Variants in ASAP2 observed in about 807,000 individuals in gnomAD.
ASAP2 encodes arf-GAP with SH3 domain, ANK repeat and PH domain-containing protein 2.
In ASAP2, 45 loss-of-function variants were observed where a neutral mutation model predicts 131.4. That is an observed-to-expected ratio of 0.34 (90% CI 0.27 to 0.44). The LOEUF (loss-of-function observed/expected upper bound fraction) is 0.44, where lower values mean the gene tolerates loss of function less well. Among genes scored for constraint, ASAP2 ranks in the 20% least tolerant of loss-of-function variants. The pLI is 1.00. For synonymous variants in ASAP2, 510 were observed against 503.0 expected (o/e 1.01, Z -0.19); for missense variants, 1,011 against 1,297.0 (o/e 0.78, Z 3.39).
chr2:9,387,082 G>C lies in ASAP2; in HGVS notation c.2131-1212G>C, dbSNP rs1233664411. 3.1e-4 allele frequency among the ~76,000 whole-genome samples: 46 copies of C among 150,602 alleles called. 1 individual carries two copies. In the South Asian group the frequency reaches 6.8e-3, roughly 22 times the overall value. On this transcript the variant is annotated intron_variant, in intron 21 of 27. Coordinates refer to ENST00000281419, the MANE Select transcript of ASAP2 (RefSeq NM_003887.3). ...TTAGCCGGGCTTGGTGGTGGGTGGG[G>C]GGGCGCCTGTAGTCCCAGCTACTCA... is the stretch of plus-strand genomic sequence containing the variant.
chr2:9,305,817 A>G (rs1387031590), intron 3 of ASAP2, among the ~76,000 whole-genome samples: 1 of 147,748 alleles, frequency 6.8e-6, no homozygotes, highest in African/African-American at 2.5e-5. Context: ...TGACGTATAG[A>G]TATTGGTGGA....
chr2:9,378,471 G>GAA (rs1674573756), intron 18 of ASAP2, among the ~76,000 whole-genome samples: 1 of 152,224 alleles, frequency 6.6e-6, no homozygotes, highest in Non-Finnish European at 1.5e-5. Context: ...TTCCTGGAGG[G>GAA]AATATCAAAT....
Position 9,337,428 on chromosome 2 carries a change from T to C in ASAP2, c.849+2249T>C, listed in dbSNP as rs75463645. The stretch of plus-strand genomic sequence containing the variant: ...TCAAATTTGCAATAAGAATTGATCA[T>C]TTGGTCATTATTGTTTAGGCCGTCA... On this transcript the variant is annotated intron_variant, in intron 9 of 27. Transcript: ENST00000281419. Among the ~76,000 whole-genome samples, 1,495 of 152,328 alleles carry C rather than the reference T, an allele frequency of 9.8e-3. 30 individuals are homozygous for C. The highest frequency in any genetic ancestry group is 0.034 in the African/African-American group (1,421 of 41,572).
At chr2:9,304,415 G>T (rs1292486945) in intron 3 of ASAP2, among the ~76,000 whole-genome samples, 1 of 150,964 alleles carries the variant, frequency 6.6e-6, no homozygotes, top group Non-Finnish European at 1.5e-5. Context: ...GTACTGTGTG[G>T]AATGGCTCTA....
intron 6 of ASAP2, among the ~76,000 whole-genome samples, chr2:9,327,040 A>G (rs1670524252): frequency 6.6e-6 from 1 of 152,198 alleles, no homozygotes; most frequent in South Asian, 2.1e-4. Flanking sequence ...CAGAAGGACA[A>G]TTTGTAGCTT....
intron 21 of ASAP2, among the ~76,000 whole-genome samples, chr2:9,387,589 T>A (rs147606089): frequency 6.6e-6 from 1 of 152,146 alleles, no homozygotes; most frequent in Non-Finnish European, 1.5e-5. Flanking sequence ...CCCTGTGGGG[T>A]AGCATAAGAA....
intron 26 of ASAP2, 131 bp from the exon 27 acceptor site, chr2:9,401,143 C>A (rs953042648): frequency 1.7e-6 from 2 of 1,160,110 alleles, no homozygotes; most frequent in Non-Finnish European, 2.5e-6. Flanking sequence ...CCTGCCCCAC[C>A]TTGGCATCTG....
chr2:9,344,311 T>G (rs1671802468), intron 9 of ASAP2, among the ~76,000 whole-genome samples: 1 of 152,204 alleles, frequency 6.6e-6, no homozygotes, highest in African/African-American at 2.4e-5. Context: ...TTGGGAATAT[T>G]GGTTTCCTGA....
At position 9,207,541 on chromosome 2, in the gene ASAP2, TCCCGCTG is replaced by T. The variant is rs905865848; in HGVS notation, c.126+317_126+323del. Among the ~76,000 whole-genome samples, 27 of 151,940 alleles carry T rather than the reference TCCCGCTG, an allele frequency of 1.8e-4. No individual in the cohort carries two copies. Among genetic ancestry groups the T allele is most frequent in the African/African-American group, 6.3e-4 (26 of 41,436 alleles). ...GTCGGGGTCCGCGGCGAGCGGGGGA[TCCCGCTG>T]CCCGCCGCCGCCCGCCGCCGCCCGG... On this transcript the variant is annotated intron_variant, in intron 1 of 27. Coordinates refer to ENST00000281419, the MANE Select transcript of ASAP2 (RefSeq NM_003887.3). The surrounding 1 kb of genome is among the most constrained non-coding windows in gnomAD (Gnocchi z 4.1).
intron 22 of ASAP2, among the ~76,000 whole-genome samples, 181 bp from the exon 23 acceptor site, chr2:9,390,881 A>C (rs1230110332): frequency 6.6e-6 from 1 of 152,254 alleles, no homozygotes; most frequent in Non-Finnish European, 1.5e-5. Context: ...CGCGAGTATC[A>C]GTGTCTATCT....
At chr2:9,262,079 G>C (rs187943434) in intron 1 of ASAP2, among the ~76,000 whole-genome samples, 1 of 152,256 alleles carries the variant, frequency 6.6e-6, no homozygotes, top group East Asian at 1.9e-4. Context: ...AAACTCCTGG[G>C]CTCAAGCGAT....
chr2:9,279,491 C>G, intron 2 of ASAP2, 102 bp downstream of exon 2: 1 of 1,079,104 alleles, frequency 9.3e-7, no homozygotes, highest in Non-Finnish European at 1.4e-6. Context: ...GCCAGCTAGA[C>G]TCCTTTATCG....
rs548289342 is a variant in ASAP2 at position 9,217,849 on chromosome 2, C to T, written c.126+10619C>T. ...CAGGATGGTCTTGATCTCCTGACCT[C>T]GTGAGGCACCCACCTCGGCTTCCCA... On this transcript the variant is annotated intron_variant, in intron 1 of 27. Coordinates refer to ENST00000281419, the MANE Select transcript of ASAP2 (RefSeq NM_003887.3). The surrounding 1 kb of genome is among the most constrained non-coding windows in gnomAD (Gnocchi z 4.0). Among the ~76,000 whole-genome samples the T allele has an allele frequency of 1.3e-5, 2 of 151,486 alleles. No individual in the cohort carries two copies. The highest frequency in any genetic ancestry group is 2.1e-4 in the South Asian group (1 of 4,768).
chr2:9,388,675 G>C lies in ASAP2; in HGVS notation c.2383+129G>C, dbSNP rs2148783611. ...TTTGTTTTGTAGTTATTTTCTGTTT[G>C]CTTCCTAAAGGGATTCCATCATTCT... On this transcript the variant is annotated intron_variant, in intron 22 of 27. Transcript: ENST00000281419. 3 of 1,329,272 alleles carry C rather than the reference G, an allele frequency of 2.3e-6. No individual in the cohort carries two copies. The South Asian group carries it at 4.8e-5, about 21-fold the overall frequency. 82.3% of individuals were successfully genotyped at this position (1,329,272 alleles called of 1,614,324 possible).
Position 9,207,076 on chromosome 2 carries a change from C to T in ASAP2, c.-29C>T. On this transcript the variant is annotated 5_prime_UTR_variant, in exon 1 of 28. Transcript: ENST00000281419. This position sits in a 1 kb window ranked among gnomAD's most constrained non-coding sequence, Gnocchi z 4.1. The stretch of plus-strand genomic sequence containing the variant: ...AGTTGAGGCGGCGGCGCCCCTGCGG[C>T]TGTGCGCCAGCGCCCTCGCGCCGAG... 4 of 1,530,704 alleles carry T rather than the reference C, an allele frequency of 2.6e-6. No homozygotes were observed. The highest frequency in any genetic ancestry group is 3.5e-6 in the Non-Finnish European group (4 of 1,137,580). 94.8% of individuals were successfully genotyped at this position (1,530,704 alleles called of 1,614,324 possible).
Position 9,311,972 on chromosome 2 carries a change from G to A in ASAP2, c.346-6552G>A, listed in dbSNP as rs966622700. Among the ~76,000 whole-genome samples, 4 of 152,208 alleles carry A rather than the reference G, an allele frequency of 2.6e-5. No individual in the cohort carries two copies. Among genetic ancestry groups the A allele is most frequent in the Non-Finnish European group, 5.9e-5 (4 of 68,034 alleles). On this transcript the variant is annotated intron_variant, in intron 3 of 27. Transcript: ENST00000281419. This position sits in a 1 kb window ranked among gnomAD's most constrained non-coding sequence, Gnocchi z 5.2. ...TGGAAGCTTTATTAGTGAAGCCATC[G>A]ATGGGGATTCTATTTATATTTGTGA...
intron 15 of ASAP2, among the ~76,000 whole-genome samples, chr2:9,359,977 A>G (rs1364075478): frequency 6.6e-6 from 1 of 152,238 alleles, no homozygotes. Flanking sequence ...CTGGTTACAT[A>G]CAGCAATTAT....
chr2:9,256,129 A>G (rs1001050083), intron 1 of ASAP2, among the ~76,000 whole-genome samples: 5 of 149,814 alleles, frequency 3.3e-5, no homozygotes, highest in Admixed American at 6.7e-5. Flanking sequence ...ATTCATAGAA[A>G]TGGCAGGAGA....
intron 1 of ASAP2, among the ~76,000 whole-genome samples, chr2:9,251,820 G>T (rs550373958): frequency 3.9e-5 from 6 of 152,250 alleles, no homozygotes; most frequent in Admixed American, 3.3e-4. Flanking sequence ...CAGGAAGGAA[G>T]ACTGAATGTG....
Sources: allele counts gnomAD v4.1 joint callset (sites outside exome capture counted in the v4.1 genomes callset), GRCh38; gene constraint gnomAD v4.1.1; non-coding constraint Gnocchi (gnomAD v3.1); transcripts MANE v1.5; gene names NCBI Gene and HGNC (gene_info 2026-07-23, HGNC 2026-07-21).